Variants in RIN2 observed in about 807,000 individuals in gnomAD.
RIN2 encodes RAB5 interacting protein 2.
RIN2 carries 36 observed loss-of-function variants against 78.0 expected under a neutral mutation model. The observed-to-expected ratio is 0.46, with a 90% CI of 0.35 to 0.61. The LOEUF (loss-of-function observed/expected upper bound fraction) is 0.61. RIN2 is among the 20% of genes least tolerant of loss of function. The probability of loss-of-function intolerance (pLI) is 0.00; values close to 1 mark genes in which losing one functional copy is unlikely to be tolerated. For synonymous variants in RIN2, 466 were observed against 466.8 expected, an observed-to-expected ratio of 1.00 and a Z score of 0.02; for missense variants, 1,087 against 1,159.7, an observed-to-expected ratio of 0.94 and a Z score of 0.91.
chr20:19,845,451 T>C (rs1471840688), intron 2 of RIN2, among the ~76,000 whole-genome samples: 12 of 152,232 alleles, frequency 7.9e-5, no homozygotes, highest in Non-Finnish European at 1.8e-4. Context: ...TGGTATCTCA[T>C]TGTGGTTTTG....
At chr20:19,849,043 A>C (rs1288571741) in intron 2 of RIN2, among the ~76,000 whole-genome samples, 1 of 152,176 alleles carries the variant, frequency 6.6e-6, no homozygotes, top group East Asian at 1.9e-4. Flanking sequence ...CTTTGTGAGA[A>C]TTGCACTGGG....
At chr20:19,920,273 G>A (rs1317254250) in intron 3 of RIN2, among the ~76,000 whole-genome samples, 5 of 149,712 alleles carry the variant, frequency 3.3e-5, no homozygotes, top group Non-Finnish European at 7.4e-5. Flanking sequence ...TCCAGTCTGG[G>A]CGACAGAGCG....
At chr20:19,762,415 AAC>A (rs2033676571) in intron 1 of RIN2, among the ~76,000 whole-genome samples, 1 of 152,232 alleles carries the variant, frequency 6.6e-6, no homozygotes, top group Non-Finnish European at 1.5e-5. Context: ...GTGCAAATTT[AAC>A]ATTCATCTGC....
intron 2 of RIN2, among the ~76,000 whole-genome samples, chr20:19,866,338 G>C (rs1475268959): frequency 1.3e-5 from 2 of 152,144 alleles, no homozygotes; most frequent in Non-Finnish European, 2.9e-5. Context: ...CTCACCTCCT[G>C]CTGTGCAGTC....
At chr20:19,803,255 T>A (rs1445429327) in intron 2 of RIN2, among the ~76,000 whole-genome samples, 1 of 152,336 alleles carries the variant, frequency 6.6e-6, no homozygotes, top group African/African-American at 2.4e-5. Flanking sequence ...TAAGCAAGTC[T>A]TGCTGGAAAA....
At position 19,768,990 on chromosome 20, in the gene RIN2, C is replaced by T. The variant is rs529738283; in HGVS notation, c.-163+10663C>T. On this transcript the variant is annotated intron_variant, in intron 1 of 12. Coordinates refer to ENST00000255006, the MANE Select transcript of RIN2 (RefSeq NM_018993.4). ...AGGCTGGAGTACAAAGTCGCACTCTCGGCTCACTGCAACCTCTGCCTCTTG... is the reference window on the plus strand; with the variant it reads ...AGGCTGGAGTACAAAGTCGCACTCTTGGCTCACTGCAACCTCTGCCTCTTG... Among the ~76,000 whole-genome samples, 67 of 148,748 alleles carry T rather than the reference C, an allele frequency of 4.5e-4. No homozygotes were observed. The East Asian group carries it at 6.4e-3, about 14-fold the overall frequency.
intron 3 of RIN2, among the ~76,000 whole-genome samples, chr20:19,915,446 G>C (rs2039644921): frequency 6.6e-6 from 1 of 152,186 alleles, no homozygotes; most frequent in Non-Finnish European, 1.5e-5. Context: ...TTCCTCAGCT[G>C]TGGGCAGAGA....
chr20:19,974,417 A>G (rs1297361017), intron 8 of RIN2, among the ~76,000 whole-genome samples: 1 of 152,152 alleles, frequency 6.6e-6, no homozygotes, highest in Admixed American at 6.5e-5. Flanking sequence ...TGGCCAAGCC[A>G]TTTCTCCAGG....
At chr20:19,908,968 G>T (rs554248911) in intron 3 of RIN2, among the ~76,000 whole-genome samples, 20 of 152,148 alleles carry the variant, frequency 1.3e-4, no homozygotes, top group Non-Finnish European at 2.9e-4. Flanking sequence ...AGGTTCAAGT[G>T]ATTCTCCTGC....
chr20:19,920,631 A>G (rs2039877182), intron 3 of RIN2, among the ~76,000 whole-genome samples: 1 of 152,214 alleles, frequency 6.6e-6, no homozygotes, highest in Non-Finnish European at 1.5e-5. Context: ...AGGTTATATC[A>G]GAGTGTTTGC....
chr20:19,795,726 T>C (rs1243669978), intron 1 of RIN2, among the ~76,000 whole-genome samples: 1 of 152,120 alleles, frequency 6.6e-6, no homozygotes, highest in African/African-American at 2.4e-5. Flanking sequence ...ATTGGAAATA[T>C]GTCCTAGAAT....
intron 2 of RIN2, among the ~76,000 whole-genome samples, chr20:19,845,260 T>G (rs2036743608): frequency 2.0e-5 from 3 of 152,236 alleles, no homozygotes; most frequent in Non-Finnish European, 2.9e-5. Context: ...GTAATGGGAT[T>G]GCTGGGTCAA....
chr20:19,872,851 C>T (rs1055460945), intron 2 of RIN2, among the ~76,000 whole-genome samples: 2 of 152,158 alleles, frequency 1.3e-5, no homozygotes, highest in East Asian at 1.9e-4. Context: ...GATTATGATG[C>T]TCACTATTCA....
At chr20:19,886,609 CTTCTTT>C in intron 2 of RIN2, 9 of 776,380 alleles carry the variant, frequency 1.2e-5, no homozygotes, top group East Asian at 3.0e-5. Context: ...TCTTCTTCTT[CTTCTTT>C]TTTTTTTTTT....
intron 2 of RIN2, among the ~76,000 whole-genome samples, chr20:19,870,234 C>T (rs1289292740): frequency 2.0e-5 from 3 of 152,166 alleles, no homozygotes; most frequent in Non-Finnish European, 2.9e-5. Context: ...CCCGAGATGC[C>T]AATTGTTATC....
intron 2 of RIN2, among the ~76,000 whole-genome samples, chr20:19,820,743 G>A (rs1303884766): frequency 6.6e-6 from 1 of 152,144 alleles, no homozygotes; most frequent in African/African-American, 2.4e-5. Flanking sequence ...GGGAGCTGGT[G>A]AAAACTCCCT....
intron 2 of RIN2, among the ~76,000 whole-genome samples, chr20:19,812,247 G>T (rs6035445): frequency 6.6e-6 from 1 of 151,818 alleles, no homozygotes; most frequent in Non-Finnish European, 1.5e-5. Flanking sequence ...TGGAATTTCT[G>T]GGTGATGTGT....
intron 6 of RIN2, 60 bp downstream of exon 6, chr20:19,960,871 T>G (rs1234516480): frequency 1.9e-6 from 2 of 1,057,748 alleles, no homozygotes; most frequent in Admixed American, 4.6e-5. Flanking sequence ...CTGCAGGGAG[T>G]GGAAATGGAA....
intron 4 of RIN2, among the ~76,000 whole-genome samples, chr20:19,953,233 T>A (rs73605557): frequency 0.058 from 8,758 of 151,578 alleles, 504 homozygotes; most frequent in East Asian, 0.3. Flanking sequence ...CCACCTCCCA[T>A]GTTCAAGGCT....
Sources: gnomAD v4.1 joint callset for allele counts (sites outside exome capture counted in the v4.1 genomes callset) on GRCh38, gnomAD v4.1.1 for gene constraint, MANE v1.5 for transcripts, NCBI Gene and HGNC (gene_info 2026-07-23, HGNC 2026-07-21) for gene names.